KCND3: variants seen among roughly 807,000 people sequenced by gnomAD.
The protein encoded by KCND3 is A-type voltage-gated potassium channel KCND3.
KCND3 carries 9 observed loss-of-function variants against 51.1 expected under a neutral mutation model. The ratio of observed to expected loss-of-function variants is 0.18; its 90% CI spans 0.11 to 0.31. KCND3 has a LOEUF of 0.31. KCND3 is among the 10% of genes least tolerant of loss of function. The probability of loss-of-function intolerance (pLI) is 1.00; values close to 1 mark genes in which losing one functional copy is unlikely to be tolerated. For synonymous variants in KCND3, 349 were observed against 368.0 expected (o/e 0.95, Z 0.59); for missense variants, 526 against 903.8 (o/e 0.58, Z 5.36).
At chr1:111,794,887 A>G (rs1664989648) in intron 2 of KCND3, among the ~76,000 whole-genome samples, 1 of 152,152 alleles carries the variant, frequency 6.6e-6, no homozygotes, top group African/African-American at 2.4e-5. Context: ...TAATACGCCC[A>G]AGGTCACTTG....
At chr1:111,915,828 A>G (rs1671188182) in intron 2 of KCND3, among the ~76,000 whole-genome samples, 1 of 151,716 alleles carries the variant, frequency 6.6e-6, no homozygotes, top group Admixed American at 6.6e-5. Context: ...GAATATTACC[A>G]GGACTAACAG....
chr1:111,973,904 C>T (rs1447495354), intron 2 of KCND3, among the ~76,000 whole-genome samples: 1 of 152,192 alleles, frequency 6.6e-6, no homozygotes, highest in Non-Finnish European at 1.5e-5. Flanking sequence ...GCGTCCCCAG[C>T]CTCATCCATC....
chr1:111,842,490 G>A (rs1667370223), intron 2 of KCND3, among the ~76,000 whole-genome samples: 1 of 152,190 alleles, frequency 6.6e-6, no homozygotes, highest in Non-Finnish European at 1.5e-5. Flanking sequence ...AGTCCAGGCT[G>A]GGAAAGATGC....
intron 2 of KCND3, among the ~76,000 whole-genome samples, chr1:111,800,806 G>A (rs1665275235): frequency 6.6e-6 from 1 of 152,244 alleles, no homozygotes; most frequent in Non-Finnish European, 1.5e-5. Context: ...ATCCCTGGTT[G>A]GGGCTGGGAG....
Position 111,982,748 on chromosome 1 carries a change from G to C in KCND3, c.-22C>G. On this transcript the variant is annotated 5_prime_UTR_variant, in exon 2 of 8. Transcript: ENST00000302127. The surrounding 1 kb of genome is among the most constrained non-coding windows in gnomAD (Gnocchi z 8.5). ...CCATGGTGACTCCAGCTCTTGGGCCGGCAGCCGCGCGGACGCTAGGCACAC... is the reference window on the plus strand; with the variant it reads ...CCATGGTGACTCCAGCTCTTGGGCCCGCAGCCGCGCGGACGCTAGGCACAC... 6.3e-7 allele frequency: 1 copy of C among 1,595,044 alleles called. No individual in the cohort carries two copies. The highest frequency in any genetic ancestry group is 1.1e-5 in the South Asian group (1 of 90,264).
chr1:111,881,098 G>A (rs1188728449), intron 2 of KCND3, among the ~76,000 whole-genome samples: 2 of 152,178 alleles, frequency 1.3e-5, no homozygotes, highest in Admixed American at 1.3e-4. Context: ...TCACTGTTTA[G>A]AGAAAGGGGC....
At chr1:111,821,141 G>A (rs903968467) in intron 2 of KCND3, among the ~76,000 whole-genome samples, 3 of 152,182 alleles carry the variant, frequency 2.0e-5, no homozygotes, top group Admixed American at 6.5e-5. Context: ...TAAGAGATCC[G>A]TGTGCTGTCT....
intron 2 of KCND3, among the ~76,000 whole-genome samples, chr1:111,951,020 A>G (rs1410373745): frequency 2.6e-5 from 4 of 151,902 alleles, no homozygotes; most frequent in African/African-American, 9.7e-5. Context: ...AAAATACAAA[A>G]TTAGCTGGGC....
At chr1:111,836,608 C>G (rs545251930) in intron 2 of KCND3, among the ~76,000 whole-genome samples, 4 of 152,298 alleles carry the variant, frequency 2.6e-5, no homozygotes, top group African/African-American at 9.6e-5. Context: ...CAGTGACCAT[C>G]TCACCTGACA....
intron 2 of KCND3, among the ~76,000 whole-genome samples, chr1:111,977,082 G>A (rs2101979999): frequency 6.6e-6 from 1 of 152,340 alleles, no homozygotes; most frequent in East Asian, 1.9e-4. Flanking sequence ...CCCAATAGGT[G>A]TCCTAAGATC....
chr1:111,835,370 C>A (rs750968167), intron 2 of KCND3, among the ~76,000 whole-genome samples: 6 of 152,088 alleles, frequency 3.9e-5, no homozygotes, highest in Non-Finnish European at 8.8e-5. Flanking sequence ...GTGTTTGAAC[C>A]AGAGCAAGTC....
At chr1:111,841,105 C>A (rs1179487928) in intron 2 of KCND3, among the ~76,000 whole-genome samples, 1 of 152,172 alleles carries the variant, frequency 6.6e-6, no homozygotes, top group African/African-American at 2.4e-5. Flanking sequence ...ATCAGCTCTT[C>A]TGCTTTTAGC....
chr1:111,958,770 A>G (rs530276881), intron 2 of KCND3, among the ~76,000 whole-genome samples: 142 of 152,114 alleles, frequency 9.3e-4, no homozygotes, highest in African/African-American at 3.3e-3. Context: ...TCTCCACCCC[A>G]CAGTGTCCAG....
intron 2 of KCND3, among the ~76,000 whole-genome samples, chr1:111,836,020 ACC>A (rs1667049715): frequency 6.6e-6 from 1 of 152,052 alleles, no homozygotes; most frequent in African/African-American, 2.4e-5. Flanking sequence ...TTTTTTGATT[ACC>A]TTGCTGTTGC....
At chr1:111,969,781 G>A (rs1404359577) in intron 2 of KCND3, among the ~76,000 whole-genome samples, 1 of 152,104 alleles carries the variant, frequency 6.6e-6, no homozygotes, top group Non-Finnish European at 1.5e-5. Flanking sequence ...CAACCCTAAA[G>A]AGACTCAAAC....
At chr1:111,910,894 C>T (rs1396864492) in intron 2 of KCND3, 1 of 152,186 alleles carries the variant, frequency 6.6e-6, no homozygotes, top group African/African-American at 2.4e-5. Context: ...GTTTATTTGT[C>T]CATTAAATAA....
intron 2 of KCND3, among the ~76,000 whole-genome samples, chr1:111,832,149 AC>A (rs2101621813): frequency 6.6e-6 from 1 of 152,324 alleles, no homozygotes; most frequent in South Asian, 2.1e-4. Context: ...GACTCAGCAC[AC>A]TGTACATTCA....
intron 2 of KCND3, among the ~76,000 whole-genome samples, chr1:111,795,751 G>A (rs1665027607): frequency 6.6e-6 from 1 of 152,194 alleles, no homozygotes. Flanking sequence ...AGGTCTTTGA[G>A]GAATTGCCAC....
intron 2 of KCND3, among the ~76,000 whole-genome samples, chr1:111,972,100 T>C (rs1674357546): frequency 6.6e-6 from 1 of 152,214 alleles, no homozygotes; most frequent in Non-Finnish European, 1.5e-5. Flanking sequence ...CCTAATATTT[T>C]AGGCTCTCTG....
Sources: allele counts gnomAD v4.1 joint callset (sites outside exome capture counted in the v4.1 genomes callset), GRCh38; gene constraint gnomAD v4.1.1; non-coding constraint Gnocchi (gnomAD v3.1); transcripts MANE v1.5; gene names NCBI Gene and HGNC (gene_info 2026-07-23, HGNC 2026-07-21).